CRYZL1: variants seen among roughly 807,000 people sequenced by gnomAD.
CRYZL1 encodes the protein ferry endosomal RAB5 effector complex subunit 4.
In CRYZL1, 34 loss-of-function variants were observed where a neutral mutation model predicts 50.6. That is an observed-to-expected ratio of 0.67 (90% CI 0.51 to 0.89). CRYZL1 has a LOEUF of 0.89. Ranked by LOEUF, CRYZL1 falls within the 40% of genes least tolerant of loss-of-function variation. The probability of loss-of-function intolerance (pLI) is 0.00; values close to 1 mark genes in which losing one functional copy is unlikely to be tolerated. For missense variants in CRYZL1, 354 were observed against 402.3 expected, an observed-to-expected ratio of 0.88 and a Z score of 1.03; for synonymous variants, 125 against 134.3, an observed-to-expected ratio of 0.93 and a Z score of 0.48.
At chr21:33,595,673 G>T (rs1486002170) in intron 11 of CRYZL1, 58 bp downstream of exon 11, 2 of 1,604,590 alleles carry the variant, frequency 1.2e-6, no homozygotes, top group East Asian at 2.2e-5. Flanking sequence ...CGTAATGAAA[G>T]AACTTAGTAC....
chr21:33,617,473 C>G (rs1388570511), intron 4 of CRYZL1, among the ~76,000 whole-genome samples: 1 of 152,078 alleles, frequency 6.6e-6, no homozygotes, highest in Middle Eastern at 3.2e-3. Context: ...GAGAATGCAG[C>G]AGGACAAGCC....
chr21:33,610,863 C>G (rs1034519266), intron 6 of CRYZL1, among the ~76,000 whole-genome samples: 1 of 151,048 alleles, frequency 6.6e-6, no homozygotes, highest in Non-Finnish European at 1.5e-5. Flanking sequence ...TCCCGAGTAG[C>G]TGGGATTACA....
At chr21:33,634,715 G>C (rs1361880850) in intron 1 of CRYZL1, among the ~76,000 whole-genome samples, 1 of 151,826 alleles carries the variant, frequency 6.6e-6, no homozygotes, top group Non-Finnish European at 1.5e-5. Context: ...CTTGCTTTGT[G>C]ATACTGGAAG....
At chr21:33,598,939 A>T (rs533590149) in intron 9 of CRYZL1, among the ~76,000 whole-genome samples, 2 of 152,218 alleles carry the variant, frequency 1.3e-5, no homozygotes, top group South Asian at 4.1e-4. Flanking sequence ...GCTGTAAAAG[A>T]TAAGCATGTT....
At chr21:33,604,986 T>G (rs1183057287) in intron 6 of CRYZL1, among the ~76,000 whole-genome samples, 1 of 152,204 alleles carries the variant, frequency 6.6e-6, no homozygotes, top group Non-Finnish European at 1.5e-5. Context: ...TGTCAACTTG[T>G]GGAATGATCA....
In CRYZL1 at chr21:33,624,669, A is replaced by G; in HGVS notation, c.144+14T>C. 6.2e-7 allele frequency: 1 copy of G among 1,606,956 alleles called. No homozygotes were observed. The highest frequency in any genetic ancestry group is 8.5e-7 in the Non-Finnish European group (1 of 1,177,878). ...CTCTCATTTTACTTTGTGCCATAAT[A>G]AAAGAACCAATACCTTTGTATTTAT... On this transcript the variant is annotated intron_variant, in intron 3 of 12. Coordinates refer to ENST00000381554, the MANE Select transcript of CRYZL1 (RefSeq NM_145858.3).
chr21:33,591,220 A>AT lies in CRYZL1; in HGVS notation c.905-14dup. 2 of 1,606,910 alleles carry AT rather than the reference A, an allele frequency of 1.2e-6. No individual in the cohort carries two copies. The highest frequency in any genetic ancestry group is 2.2e-5 in the South Asian group (2 of 90,912). ...TCCTTTAAGATACGTAGCTGGAAGG[A>AT]TTGTTAAGGTGGCAATGTAAAGGAG... On this transcript the variant is annotated splice_polypyrimidine_tract_variant and intron_variant, in intron 11 of 12. Coordinates refer to ENST00000381554, the MANE Select transcript of CRYZL1 (RefSeq NM_145858.3).
At chr21:33,614,237 C>T (rs1242052187) in intron 5 of CRYZL1, among the ~76,000 whole-genome samples, 1 of 150,314 alleles carries the variant, frequency 6.7e-6, no homozygotes, top group African/African-American at 2.4e-5. Context: ...TGTAATCCAA[C>T]ACTTTGGGAG....
intron 1 of CRYZL1, among the ~76,000 whole-genome samples, chr21:33,633,323 A>G (rs1160413454): frequency 2.6e-5 from 4 of 152,244 alleles, no homozygotes; most frequent in African/African-American, 2.4e-5. Flanking sequence ...GATATAAACT[A>G]GGTGCTACTT....
At chr21:33,638,783 G>C (rs2087241837) in intron 1 of CRYZL1, among the ~76,000 whole-genome samples, 1 of 152,086 alleles carries the variant, frequency 6.6e-6, no homozygotes, top group Non-Finnish European at 1.5e-5. Context: ...AGAACTTTAG[G>C]CATTATAACT....
At chr21:33,594,004 A>C (rs2086669206) in intron 11 of CRYZL1, among the ~76,000 whole-genome samples, 2 of 151,130 alleles carry the variant, frequency 1.3e-5, no homozygotes, top group African/African-American at 4.9e-5. Flanking sequence ...AAAAAAAAAA[A>C]AAAAAATCAA....
At chr21:33,621,488 C>G (rs1738968763) in intron 4 of CRYZL1, among the ~76,000 whole-genome samples, 2 of 151,626 alleles carry the variant, frequency 1.3e-5, no homozygotes, top group Admixed American at 6.6e-5. Flanking sequence ...ACTACAGGCG[C>G]ATGCCACCAC....
At chr21:33,597,235 C>T in intron 10 of CRYZL1, 45 bp downstream of exon 10, 5 of 1,587,530 alleles carry the variant, frequency 3.1e-6, no homozygotes, top group Non-Finnish European at 4.3e-6. Context: ...TTGTTAATTA[C>T]ACCCCTTTGG....
intron 4 of CRYZL1, among the ~76,000 whole-genome samples, chr21:33,617,921 TAAG>T (rs1298186480): frequency 6.6e-6 from 1 of 152,154 alleles, no homozygotes; most frequent in Non-Finnish European, 1.5e-5. Context: ...TCTCCTCCCT[TAAG>T]AAGAGTGACG....
intron 1 of CRYZL1, among the ~76,000 whole-genome samples, chr21:33,635,266 A>G (rs2087191216): frequency 6.6e-6 from 1 of 151,316 alleles, no homozygotes; most frequent in South Asian, 2.1e-4. Flanking sequence ...TTTGTCTCAC[A>G]CTCTGCCAAG....
At chr21:33,629,509 C>T (rs780042934) in intron 2 of CRYZL1, among the ~76,000 whole-genome samples, 2 of 152,168 alleles carry the variant, frequency 1.3e-5, no homozygotes, top group East Asian at 1.9e-4. Context: ...GCAATCCACC[C>T]GCCTTGGCCT....
Position 33,602,333 on chromosome 21 carries a change from T to C in CRYZL1, c.478A>G (p.Ile160Val), listed in dbSNP as rs1311985464. 1.3e-6 allele frequency: 2 copies of C among 1,590,178 alleles called. No individual in the cohort carries two copies. The highest frequency in any genetic ancestry group is 2.2e-5 in the East Asian group (1 of 44,782). Reference sequence around the variant, plus strand: ...CTATGATGTGCTAACTGAATAGCTATTGTACCAAATGCCTGTGTAGAAAAA... The same window carrying C: ...CTATGATGTGCTAACTGAATAGCTACTGTACCAAATGCCTGTGTAGAAAAA... ...IMDGASAFGT[I>V]AIQLAHHRGA... Residue 160 changes from isoleucine (I) to valine (V), a missense_variant, in exon 8 of 13, where the codon ATA becomes GTA. Physicochemically the swap from Ile to Val is conservative, Grantham distance 29. Transcript: ENST00000381554.
At chr21:33,595,148 A>G in intron 11 of CRYZL1, 1 of 1,056,716 alleles carries the variant, frequency 9.5e-7, no homozygotes, top group Middle Eastern at 4.7e-4. Context: ...CAAACTTTTT[A>G]TTATTTTTAC....
chr21:33,603,892 C>G (rs2086782462), intron 6 of CRYZL1, among the ~76,000 whole-genome samples: 1 of 152,254 alleles, frequency 6.6e-6, no homozygotes, highest in Non-Finnish European at 1.5e-5. Context: ...TCTCTCCTCA[C>G]CAAAGGTCAC....
Sources: gnomAD v4.1 joint callset for allele counts (sites outside exome capture counted in the v4.1 genomes callset) on GRCh38, gnomAD v4.1.1 for gene constraint, MANE v1.5 for transcripts, NCBI Gene and HGNC (gene_info 2026-07-23, HGNC 2026-07-21) for gene names.